The following LDLRAD3 variants were observed in gnomAD, a reference collection of about 807,000 sequenced individuals.
The protein encoded by LDLRAD3 is low density lipoprotein receptor class A domain containing 3.
Under a neutral mutation model 29.4 loss-of-function variants are expected in LDLRAD3, and 20 were observed. That is an observed-to-expected ratio of 0.68 (90% CI 0.48 to 0.99). The LOEUF (loss-of-function observed/expected upper bound fraction) is 0.99, where lower values mean the gene tolerates loss of function less well. LDLRAD3 is among the 50% of genes least tolerant of loss of function. The probability of loss-of-function intolerance (pLI) is 0.00; values close to 1 mark genes in which losing one functional copy is unlikely to be tolerated. For missense variants in LDLRAD3, 420 were observed against 454.3 expected (o/e 0.92, Z 0.69); for synonymous variants, 157 against 192.7 (o/e 0.81, Z 1.53).
rs376847383 is a variant in LDLRAD3, at chr11:36,093,196, G to C, written c.320-5131G>C. Among the ~76,000 whole-genome samples the C allele has an allele frequency of 3.9e-5, 6 of 152,310 alleles. No individual in the cohort carries two copies. The East Asian group carries it at 7.7e-4, about 20-fold the overall frequency. Reference sequence around the variant, plus strand: ...TAGACTAGACGTTCAAAAATGTTTAGCAAAGTTTCTCAAACATACTGAAAA... The same window carrying C: ...TAGACTAGACGTTCAAAAATGTTTACCAAAGTTTCTCAAACATACTGAAAA... On this transcript the variant is annotated intron_variant, in intron 3 of 5. Transcript: ENST00000315571.
intron 1 of LDLRAD3, among the ~76,000 whole-genome samples, chr11:35,950,775 A>G (rs953837484): frequency 2.0e-5 from 3 of 152,184 alleles, no homozygotes; most frequent in Non-Finnish European, 4.4e-5. Flanking sequence ...TTCTTGAATT[A>G]CAAACACTGC....
intron 4 of LDLRAD3, among the ~76,000 whole-genome samples, chr11:36,139,850 C>T (rs1854055427): frequency 6.6e-6 from 1 of 152,162 alleles, no homozygotes. Flanking sequence ...AGGGGGCAAC[C>T]TCTCTTCCCC....
At chr11:36,098,504 A>C in intron 4 of LDLRAD3, 43 bp downstream of exon 4, 2 of 1,609,040 alleles carry the variant, frequency 1.2e-6, no homozygotes, top group East Asian at 2.2e-5. Context: ...GCAACACAAC[A>C]CTGCAGTAAT....
At chr11:36,107,076 C>G (rs1156929363) in intron 4 of LDLRAD3, among the ~76,000 whole-genome samples, 1 of 152,184 alleles carries the variant, frequency 6.6e-6, no homozygotes, top group African/African-American at 2.4e-5. Flanking sequence ...GCCTGCAGAT[C>G]CAGGAGAAGC....
chr11:36,006,879 T>C (rs575340648), intron 1 of LDLRAD3, among the ~76,000 whole-genome samples: 3 of 152,216 alleles, frequency 2.0e-5, no homozygotes, highest in Non-Finnish European at 4.4e-5. Context: ...TGTCGACTAT[T>C]CCCCTTCCTG....
chr11:36,182,852 G>A (rs763137041), intron 4 of LDLRAD3, among the ~76,000 whole-genome samples: 1 of 152,110 alleles, frequency 6.6e-6, no homozygotes, highest in Admixed American at 6.6e-5. Flanking sequence ...ACTGGGGGCT[G>A]TGTGTCTCAG....
chr11:36,142,434 C>G (rs1393851271), intron 4 of LDLRAD3, among the ~76,000 whole-genome samples: 2 of 152,198 alleles, frequency 1.3e-5, no homozygotes, highest in African/African-American at 4.8e-5. Context: ...TGAATTCTTA[C>G]TAGGACAACT....
At chr11:36,123,812 C>A (rs1397657020) in intron 4 of LDLRAD3, among the ~76,000 whole-genome samples, 1 of 152,222 alleles carries the variant, frequency 6.6e-6, no homozygotes, top group African/African-American at 2.4e-5. Context: ...ACCACCCGGA[C>A]TCCTAAAGTC....
intron 4 of LDLRAD3, among the ~76,000 whole-genome samples, chr11:36,177,546 T>C (rs1047244074): frequency 3.9e-5 from 6 of 152,196 alleles, no homozygotes; most frequent in African/African-American, 1.4e-4. Context: ...CCCCTAGGGA[T>C]GGGGCTTCCT....
In LDLRAD3 at chr11:35,984,282, G is replaced by A. The variant is rs777220416; in HGVS notation, c.46+40138G>A. On this transcript the variant is annotated intron_variant, in intron 1 of 5. Transcript: ENST00000315571. ...TTGTTGACCGCCCACAATGCATTAG[G>A]CATTTTTTTTTTCATAATTACTTCT... Among the ~76,000 whole-genome samples, 10 of 151,916 alleles carry A rather than the reference G, an allele frequency of 6.6e-5. No homozygotes were observed. The South Asian group carries it at 8.3e-4, about 13-fold the overall frequency.
chr11:36,165,593 C>A (rs1013075609), intron 4 of LDLRAD3, among the ~76,000 whole-genome samples: 1 of 152,124 alleles, frequency 6.6e-6, no homozygotes, highest in African/African-American at 2.4e-5. Context: ...TATCTAATTG[C>A]AGCTCCCTTC....
At chr11:35,959,599 A>G (rs879585756) in intron 1 of LDLRAD3, among the ~76,000 whole-genome samples, 3 of 152,186 alleles carry the variant, frequency 2.0e-5, no homozygotes, top group Admixed American at 1.3e-4. Flanking sequence ...TTTTTAATAT[A>G]TGTCATTATA....
chr11:36,187,861 C>T (rs866615562), intron 4 of LDLRAD3, among the ~76,000 whole-genome samples: 19 of 152,088 alleles, frequency 1.2e-4, no homozygotes, highest in African/African-American at 4.3e-4. Context: ...GCCAAGATAA[C>T]GTTAGATTGA....
intron 4 of LDLRAD3, among the ~76,000 whole-genome samples, chr11:36,186,318 T>A (rs1240966218): frequency 6.6e-6 from 1 of 152,210 alleles, no homozygotes; most frequent in Non-Finnish European, 1.5e-5. Flanking sequence ...ATATGAGATA[T>A]CATGGTTATT....
chr11:36,145,406 C>T (rs1854174328), intron 4 of LDLRAD3, among the ~76,000 whole-genome samples: 2 of 106,020 alleles, frequency 1.9e-5, no homozygotes, highest in South Asian at 3.3e-4. Context: ...CCCGCCCAGC[C>T]AGCCACCCCA....
At chr11:35,961,114 C>G (rs1851272269) in intron 1 of LDLRAD3, among the ~76,000 whole-genome samples, 1 of 152,226 alleles carries the variant, frequency 6.6e-6, no homozygotes, top group South Asian at 2.1e-4. Context: ...TCTCATTCTG[C>G]TGGAGATCAG....
chr11:36,102,659 T>C (rs984954145), intron 4 of LDLRAD3, among the ~76,000 whole-genome samples: 2 of 152,134 alleles, frequency 1.3e-5, no homozygotes, highest in South Asian at 2.1e-4. Flanking sequence ...CCAAAGAAGG[T>C]TGTGGTGGAA....
chr11:36,056,111 T>G (rs1412349775), intron 2 of LDLRAD3, among the ~76,000 whole-genome samples: 1 of 148,518 alleles, frequency 6.7e-6, no homozygotes, highest in East Asian at 2.1e-4. Flanking sequence ...TTCTCCTGCC[T>G]CAGCCTCCTG....
chr11:36,065,291 T>G (rs902421200), intron 2 of LDLRAD3, among the ~76,000 whole-genome samples: 4 of 152,230 alleles, frequency 2.6e-5, no homozygotes, highest in African/African-American at 4.8e-5. Flanking sequence ...AACTTTTTTT[T>G]GTCTTAAATT....
Sources: gnomAD v4.1 joint callset for allele counts (sites outside exome capture counted in the v4.1 genomes callset) on GRCh38, gnomAD v4.1.1 for gene constraint, MANE v1.5 for transcripts, NCBI Gene and HGNC (gene_info 2026-07-23, HGNC 2026-07-21) for gene names.